The following DLGAP2 variants were observed in gnomAD, a reference collection of about 807,000 sequenced individuals.
DLGAP2 encodes DLG associated protein 2, also known as disks large-associated protein 2.
DLGAP2 carries 26 observed loss-of-function variants against 100.3 expected under a neutral mutation model. That is an observed-to-expected ratio of 0.26 (90% CI 0.19 to 0.36). DLGAP2 has a LOEUF of 0.36. Ranked by LOEUF, DLGAP2 falls within the 10% of genes least tolerant of loss-of-function variation. The probability of loss-of-function intolerance (pLI) is 1.00; values close to 1 mark genes in which losing one functional copy is unlikely to be tolerated. For synonymous variants in DLGAP2, 886 were observed against 630.1 expected, an observed-to-expected ratio of 1.41 and a Z score of -6.08; for missense variants, 1,858 against 1,453.2, an observed-to-expected ratio of 1.28 and a Z score of -4.53.
At chr8:1,330,693 C>T (rs530687183) in intron 3 of DLGAP2, among the ~76,000 whole-genome samples, 3 of 142,276 alleles carry the variant, frequency 2.1e-5, no homozygotes, top group African/African-American at 8.2e-5. Flanking sequence ...GGACTGAGTT[C>T]TGGGTGGGAT....
intron 2 of DLGAP2, among the ~76,000 whole-genome samples, chr8:985,145 C>G (rs1164626004): frequency 1.3e-5 from 2 of 152,150 alleles, no homozygotes; most frequent in African/African-American, 2.4e-5. Context: ...TCCAAGGTCC[C>G]TGGCTGAGCA....
In DLGAP2 at chr8:804,545, G is replaced by C. The variant is rs149300721; in HGVS notation, c.18+66720G>C. ...GGGCTGACATGCTATGGTTTGCTCT[G>C]TGTTCTCTAATTCACAATTTGTGCT... On this transcript the variant is annotated intron_variant, in intron 1 of 14. Coordinates refer to ENST00000637795, the MANE Select transcript of DLGAP2 (RefSeq NM_001346810.2). 4.5e-4 allele frequency among the ~76,000 whole-genome samples: 69 copies of C among 152,314 alleles called. No individual in the cohort carries two copies. The East Asian group carries it at 0.011, about 24-fold the overall frequency.
At chr8:1,038,148 CTG>C (rs1355108839) in intron 2 of DLGAP2, among the ~76,000 whole-genome samples, 1 of 152,206 alleles carries the variant, frequency 6.6e-6, no homozygotes, top group Non-Finnish European at 1.5e-5. Flanking sequence ...GAGTCGCTAC[CTG>C]TGTGTTTCTC....
chr8:864,189 G>T lies in DLGAP2; in HGVS notation c.19-43723G>T, dbSNP rs763735318. Among the ~76,000 whole-genome samples, 214 of 152,260 alleles carry T rather than the reference G, an allele frequency of 1.4e-3. 5 individuals carry two copies. The highest frequency in any genetic ancestry group is 1.9e-3 in the Non-Finnish European group (127 of 68,024). ...GAGTGATGGTTACTGGGGACTAGGG[G>T]AGGTGGGAGGACAGGGATGCAGGAA... On this transcript the variant is annotated intron_variant, in intron 1 of 14. Transcript: ENST00000637795.
intron 7 of DLGAP2, 115 bp downstream of exon 7, chr8:1,627,002 G>A (rs1192426529): frequency 4.6e-6 from 6 of 1,301,278 alleles, no homozygotes; most frequent in Non-Finnish European, 5.2e-6. Context: ...CAGCACTTGG[G>A]CAAGGCTACA....
intron 2 of DLGAP2, chr8:1,032,894 CTA>C (rs1025608408): frequency 6.6e-6 from 1 of 152,198 alleles, no homozygotes; most frequent in African/African-American, 2.4e-5. Flanking sequence ...TTTAAAATGA[CTA>C]TGTGTATGAC....
chr8:1,053,275 G>A (rs1327742865), intron 2 of DLGAP2, among the ~76,000 whole-genome samples: 2 of 152,154 alleles, frequency 1.3e-5, no homozygotes, highest in African/African-American at 2.4e-5. Flanking sequence ...AATGCTATCA[G>A]ACCTCAGCCT....
chr8:914,612 G>A (rs567106678), intron 2 of DLGAP2, among the ~76,000 whole-genome samples: 18 of 152,344 alleles, frequency 1.2e-4, no homozygotes, highest in South Asian at 6.2e-4. Context: ...TCTGGGCCGG[G>A]CACTTCTGTG....
At chr8:1,376,591 G>C (rs6988026) in intron 3 of DLGAP2, among the ~76,000 whole-genome samples, 3 of 125,304 alleles carry the variant, frequency 2.4e-5, no homozygotes, top group South Asian at 2.5e-4. Context: ...AGGGGGAGCC[G>C]GGTGGCAGTG....
chr8:903,515 A>G (rs1221321477), intron 1 of DLGAP2, among the ~76,000 whole-genome samples: 1 of 152,128 alleles, frequency 6.6e-6, no homozygotes, highest in Non-Finnish European at 1.5e-5. Flanking sequence ...CTCAGAATAC[A>G]GCAGCTGCCA....
intron 1 of DLGAP2, among the ~76,000 whole-genome samples, chr8:794,610 T>C (rs1795987499): frequency 6.6e-6 from 1 of 152,216 alleles, no homozygotes; most frequent in Non-Finnish European, 1.5e-5. Context: ...AGTGGTTTTC[T>C]ACCCTGGGCA....
At chr8:1,144,743 A>G (rs183848365) in intron 2 of DLGAP2, among the ~76,000 whole-genome samples, 1 of 152,360 alleles carries the variant, frequency 6.6e-6, no homozygotes, top group East Asian at 1.9e-4. Flanking sequence ...CATCCAGGAA[A>G]CACACAGCGC....
chr8:1,364,953 G>C (rs1001001893), intron 3 of DLGAP2, among the ~76,000 whole-genome samples: 4 of 152,316 alleles, frequency 2.6e-5, no homozygotes, highest in South Asian at 2.1e-4. Flanking sequence ...TCAGAGACTG[G>C]GCACAGGGCC....
chr8:989,240 C>G (rs1202328749), intron 2 of DLGAP2, among the ~76,000 whole-genome samples: 1 of 152,180 alleles, frequency 6.6e-6, no homozygotes, highest in Admixed American at 6.5e-5. Flanking sequence ...CGGAGTCCCT[C>G]TGGGTTCCCA....
At chr8:1,542,926 C>T (rs1225334815) in intron 4 of DLGAP2, among the ~76,000 whole-genome samples, 9 of 152,276 alleles carry the variant, frequency 5.9e-5, no homozygotes, top group Middle Eastern at 3.4e-3. Flanking sequence ...TGAGTGGTAC[C>T]GCACTGTGGT....
At chr8:1,034,354 T>C (rs1479168510) in intron 2 of DLGAP2, among the ~76,000 whole-genome samples, 2 of 4,798 alleles carry the variant, frequency 4.2e-4, no homozygotes, top group African/African-American at 1.7e-3. Context: ...CGCGAGTGGG[T>C]TCACACCCTC....
At chr8:1,288,388 G>A (rs1313844141) in intron 3 of DLGAP2, among the ~76,000 whole-genome samples, 1 of 148,546 alleles carries the variant, frequency 6.7e-6, no homozygotes, top group Non-Finnish European at 1.5e-5. Flanking sequence ...TTCAGTGCGT[G>A]TGTGTGTGTG....
At chr8:1,343,979 G>C (rs1298323414) in intron 3 of DLGAP2, among the ~76,000 whole-genome samples, 5 of 152,238 alleles carry the variant, frequency 3.3e-5, no homozygotes, top group Non-Finnish European at 7.3e-5. Context: ...ATGGCGGACA[G>C]AGGAGACCTG....
chr8:1,074,029 C>A (rs1293749689), intron 2 of DLGAP2, among the ~76,000 whole-genome samples: 1 of 145,382 alleles, frequency 6.9e-6, no homozygotes, highest in Non-Finnish European at 1.5e-5. Context: ...TGAACTCACC[C>A]AGGTACATAT....
Sources: allele counts gnomAD v4.1 joint callset (sites outside exome capture counted in the v4.1 genomes callset), GRCh38; gene constraint gnomAD v4.1.1; transcripts MANE v1.5; gene names NCBI Gene and HGNC (gene_info 2026-07-23, HGNC 2026-07-21).